AFF3: variants seen among roughly 807,000 people sequenced by gnomAD.
AFF3 encodes the protein ALF transcription elongation factor 3.
In AFF3, 32 loss-of-function variants were observed where a neutral mutation model predicts 129.7. That is an observed-to-expected ratio of 0.25 (90% confidence interval 0.19 to 0.33). The LOEUF is 0.33. Ranked by LOEUF, AFF3 falls within the 10% of genes least tolerant of loss-of-function variation. The pLI is 1.00. For synonymous variants in AFF3, 644 were observed against 635.4 expected (o/e 1.01, Z -0.20); for missense variants, 1,373 against 1,592.0 (o/e 0.86, Z 2.34).
intron 7 of AFF3, among the ~76,000 whole-genome samples, chr2:99,936,168 G>A (rs960656968): frequency 6.6e-6 from 1 of 152,140 alleles, no homozygotes. Flanking sequence ...GTATTTACGA[G>A]CTGGGTATGA....
chr2:99,746,618 A>G (rs1289838773), intron 9 of AFF3, among the ~76,000 whole-genome samples: 1 of 152,224 alleles, frequency 6.6e-6, no homozygotes, highest in African/African-American at 2.4e-5. Flanking sequence ...TGATTATATG[A>G]AGATGAAATA....
intron 13 of AFF3, among the ~76,000 whole-genome samples, chr2:99,640,737 T>C (rs1225439551): frequency 6.6e-6 from 1 of 152,222 alleles, no homozygotes; most frequent in Non-Finnish European, 1.5e-5. Context: ...TTGTATAAAG[T>C]ACTACTAATA....
chr2:99,847,261 C>T (rs1339490700), intron 7 of AFF3, among the ~76,000 whole-genome samples: 2 of 151,956 alleles, frequency 1.3e-5, no homozygotes, highest in African/African-American at 2.4e-5. Context: ...CTGCAACCTC[C>T]GCCTCCTGGG....
chr2:100,036,890 C>A (rs1684963448), intron 4 of AFF3, among the ~76,000 whole-genome samples: 1 of 151,078 alleles, frequency 6.6e-6, no homozygotes, highest in Non-Finnish European at 1.5e-5. Flanking sequence ...ACCATTTTTA[C>A]CTACCAAATA....
intron 11 of AFF3, among the ~76,000 whole-genome samples, chr2:99,681,418 GT>G (rs1272473666): frequency 2.6e-5 from 4 of 152,194 alleles, no homozygotes; most frequent in Non-Finnish European, 1.5e-5. Flanking sequence ...GATTTAATTG[GT>G]TTTGGATTGG....
At chr2:99,642,965 A>G (rs1174298666) in intron 13 of AFF3, among the ~76,000 whole-genome samples, 1 of 152,228 alleles carries the variant, frequency 6.6e-6, no homozygotes, top group Non-Finnish European at 1.5e-5. Context: ...TTGTACATTT[A>G]AAAATAACTA....
At chr2:99,858,813 C>T (rs985488370) in intron 7 of AFF3, among the ~76,000 whole-genome samples, 1 of 152,074 alleles carries the variant, frequency 6.6e-6, no homozygotes, top group African/African-American at 2.4e-5. Context: ...GGCTTAATAC[C>T]TGGTTGATGA....
rs139457966 is a variant in AFF3 at position 99,793,635 on chromosome 2, T to C, written c.922-41334A>G. On this transcript the variant is annotated intron_variant, in intron 8 of 24. Coordinates refer to ENST00000672756, the MANE Select transcript of AFF3 (RefSeq NM_001386135.1). Reference sequence around the variant, plus strand: ...ACCTGTGGTGATGTCCTCTCTTTCATTGCTCATATTAATCATTCGCGTTTT... The same window carrying C: ...ACCTGTGGTGATGTCCTCTCTTTCACTGCTCATATTAATCATTCGCGTTTT... Among the ~76,000 whole-genome samples, 315 of 152,360 alleles carry C rather than the reference T, an allele frequency of 2.1e-3. 5 individuals carry two copies. Among genetic ancestry groups the C allele is most frequent in the Non-Finnish European group, 4.4e-4 (30 of 68,030 alleles).
At chr2:99,874,193 T>C (rs1402591836) in intron 7 of AFF3, among the ~76,000 whole-genome samples, 1 of 151,902 alleles carries the variant, frequency 6.6e-6, no homozygotes, top group Non-Finnish European at 1.5e-5. Context: ...AACAAAAAAC[T>C]CTACTCACTG....
intron 7 of AFF3, among the ~76,000 whole-genome samples, chr2:99,905,694 G>A (rs956500050): frequency 1.3e-5 from 2 of 152,098 alleles, no homozygotes; most frequent in African/African-American, 4.8e-5. Context: ...CTACTTACTA[G>A]CAGCCATGCT....
chr2:100,010,566 A>C (rs546683962), intron 4 of AFF3, among the ~76,000 whole-genome samples: 1 of 152,298 alleles, frequency 6.6e-6, no homozygotes, highest in Non-Finnish European at 1.5e-5. Context: ...CAGTTATTAG[A>C]TTTGGGAGTC....
At chr2:99,833,853 A>G (rs1213565715) in intron 8 of AFF3, among the ~76,000 whole-genome samples, 1 of 152,128 alleles carries the variant, frequency 6.6e-6, no homozygotes, top group Non-Finnish European at 1.5e-5. Flanking sequence ...TCCTCACAGA[A>G]CTCTGTTTTA....
intron 4 of AFF3, among the ~76,000 whole-genome samples, chr2:100,051,940 T>C (rs1400271336): frequency 6.6e-6 from 1 of 152,206 alleles, no homozygotes; most frequent in Non-Finnish European, 1.5e-5. Flanking sequence ...TTAAATGCAA[T>C]CAATACTTCT....
intron 3 of AFF3, chr2:100,104,795 T>C (rs996075560): frequency 4.2e-4 from 305 of 721,712 alleles, no homozygotes; most frequent in Middle Eastern, 7.7e-4. Context: ...GGCCCGCTGC[T>C]GCAGCCGCCG....
At chr2:100,029,095 G>A (rs1339509559) in intron 4 of AFF3, among the ~76,000 whole-genome samples, 2 of 152,174 alleles carry the variant, frequency 1.3e-5, no homozygotes, top group Non-Finnish European at 2.9e-5. Context: ...TAAGAAGAAA[G>A]AAAATCCTAA....
intron 8 of AFF3, among the ~76,000 whole-genome samples, chr2:99,810,900 G>A (rs1193710531): frequency 6.6e-6 from 1 of 152,068 alleles, no homozygotes; most frequent in African/African-American, 2.4e-5. Context: ...CAGCGACACT[G>A]GACAAGTCTT....
rs74765223 is a variant in AFF3, at chr2:100,012,145, C to T, written c.54-3213G>A. ...AATCTTCTAATAGAAATCCACTAGT[C>T]GTCTTTTCAGGGGCCTGCCATCATG... On this transcript the variant is annotated intron_variant, in intron 4 of 24. Coordinates refer to ENST00000672756, the MANE Select transcript of AFF3 (RefSeq NM_001386135.1). Among the ~76,000 whole-genome samples, 1,459 of 152,292 alleles carry T rather than the reference C, an allele frequency of 9.6e-3. 9 individuals carry two copies. Among genetic ancestry groups the T allele is most frequent in the Middle Eastern group, 0.037 (11 of 294 alleles).
chr2:99,906,551 G>A (rs989046838), intron 7 of AFF3, among the ~76,000 whole-genome samples: 6 of 152,136 alleles, frequency 3.9e-5, no homozygotes, highest in Middle Eastern at 3.4e-3. Flanking sequence ...GATGAAAGTC[G>A]ATAACAATAA....
chr2:99,928,472 CACA>C (rs1696434140), intron 7 of AFF3, among the ~76,000 whole-genome samples: 1 of 152,132 alleles, frequency 6.6e-6, no homozygotes, highest in Non-Finnish European at 1.5e-5. Flanking sequence ...ATCTTCACAG[CACA>C]TACTCACCTA....
Sources: gnomAD v4.1 joint callset for allele counts (sites outside exome capture counted in the v4.1 genomes callset) on GRCh38, gnomAD v4.1.1 for gene constraint, MANE v1.5 for transcripts, NCBI Gene and HGNC (gene_info 2026-07-23, HGNC 2026-07-21) for gene names.